DPYD: variants seen among roughly 807,000 people sequenced by gnomAD.
The protein encoded by DPYD is dihydropyrimidine dehydrogenase.
Under a neutral mutation model 116.2 loss-of-function variants are expected in DPYD, and 109 were observed. The observed-to-expected ratio is 0.94, with a 90% CI of 0.80 to 1.10. The LOEUF (loss-of-function observed/expected upper bound fraction) is 1.10, where lower values mean the gene tolerates loss of function less well. DPYD is among the 50% of genes least tolerant of loss of function. DPYD has a pLI of 0.00. For synonymous variants in DPYD, 440 were observed against 432.0 expected, an observed-to-expected ratio of 1.02 and a Z score of -0.23; for missense variants, 1,302 against 1,254.5, an observed-to-expected ratio of 1.04 and a Z score of -0.57.
intron 14 of DPYD, among the ~76,000 whole-genome samples, chr1:97,427,157 A>G (rs565692953): frequency 6.6e-6 from 1 of 152,260 alleles, no homozygotes; most frequent in South Asian, 2.1e-4. Context: ...AAGGAGGGCT[A>G]TATATCCAAA....
intron 19 of DPYD, among the ~76,000 whole-genome samples, chr1:97,224,648 G>A (rs1660993750): frequency 6.6e-6 from 1 of 151,408 alleles, no homozygotes; most frequent in African/African-American, 2.4e-5. Flanking sequence ...TCCTTGAACT[G>A]CATCTCTTTG....
At chr1:97,665,389 T>C (rs1170328706) in intron 8 of DPYD, among the ~76,000 whole-genome samples, 1 of 152,226 alleles carries the variant, frequency 6.6e-6, no homozygotes, top group Non-Finnish European at 1.5e-5. Context: ...TTTTTCATTA[T>C]CAATCTTTTT....
At chr1:97,671,948 T>TA (rs1040428334) in intron 8 of DPYD, among the ~76,000 whole-genome samples, 6 of 112,642 alleles carry the variant, frequency 5.3e-5, no homozygotes, top group African/African-American at 1.8e-4. Context: ...TATCTATTAT[T>TA]TTTTTTTTTT....
intron 18 of DPYD, among the ~76,000 whole-genome samples, chr1:97,239,258 T>C (rs760478957): frequency 6.6e-6 from 1 of 152,176 alleles, no homozygotes; most frequent in Non-Finnish European, 1.5e-5. Context: ...ATTAAGTTAA[T>C]CAATCTGATT....
chr1:97,788,336 C>T (rs151196452), intron 3 of DPYD, among the ~76,000 whole-genome samples: 1,566 of 152,210 alleles, frequency 0.01, 17 homozygotes, highest in Non-Finnish European at 0.018. Context: ...GAATCCAGAC[C>T]TCTAGGCTGT....
In DPYD at chr1:97,726,179, C is replaced by A. The variant is rs141115396; in HGVS notation, c.322-4508G>T. 2.3e-3 allele frequency among the ~76,000 whole-genome samples: 344 copies of A among 151,614 alleles called. 1 individual carries two copies. Among genetic ancestry groups the A allele is most frequent in the African/African-American group, 7.7e-3 (318 of 41,486 alleles). On this transcript the variant is annotated intron_variant, in intron 4 of 22. Transcript: ENST00000370192. ...AATTGCATCTCTACTTGACACAAAGCTACTAGTTAACATGTACATTCATAG... is the reference window on the plus strand; with the variant it reads ...AATTGCATCTCTACTTGACACAAAGATACTAGTTAACATGTACATTCATAG...
At chr1:97,379,451 G>T (rs566705753) in intron 15 of DPYD, among the ~76,000 whole-genome samples, 83 of 152,288 alleles carry the variant, frequency 5.5e-4, no homozygotes, top group Admixed American at 2.2e-3. Flanking sequence ...GGCCCTACTT[G>T]TCACCCAGGA....
At chr1:97,696,382 A>C (rs1661307452) in intron 6 of DPYD, among the ~76,000 whole-genome samples, 1 of 152,170 alleles carries the variant, frequency 6.6e-6, no homozygotes, top group Non-Finnish European at 1.5e-5. Flanking sequence ...TCTGTTGCTT[A>C]GAATAGAGAA....
intron 18 of DPYD, among the ~76,000 whole-genome samples, chr1:97,303,083 G>A (rs945159682): frequency 3.9e-5 from 6 of 151,966 alleles, no homozygotes; most frequent in South Asian, 2.1e-4. Context: ...CACTATTTCC[G>A]TATTTAAACA....
intron 3 of DPYD, among the ~76,000 whole-genome samples, chr1:97,756,216 C>G (rs1211554151): frequency 6.6e-6 from 1 of 152,198 alleles, no homozygotes; most frequent in South Asian, 2.1e-4. Context: ...TTACGTGCAT[C>G]TATTAGGATT....
chr1:97,379,956 G>A (rs376628815), intron 15 of DPYD, among the ~76,000 whole-genome samples: 1 of 152,160 alleles, frequency 6.6e-6, no homozygotes. Context: ...GGCCAGCTCT[G>A]GAATGCACCA....
intron 15 of DPYD, 41 bp downstream of exon 15, chr1:97,382,352 A>G (rs776952601): frequency 4.6e-5 from 57 of 1,228,624 alleles, no homozygotes; most frequent in Non-Finnish European, 6.4e-5. Context: ...TAAAAATAGG[A>G]GAGAAGAAAT....
At chr1:97,287,273 T>C (rs1342873732) in intron 18 of DPYD, among the ~76,000 whole-genome samples, 11 of 152,150 alleles carry the variant, frequency 7.2e-5, no homozygotes, top group Admixed American at 7.2e-4. Flanking sequence ...TGCTGTCTGA[T>C]CGTTCCTCTG....
At position 97,773,386 on chromosome 1, in the gene DPYD, G is replaced by A. The variant is rs994008683; in HGVS notation, c.234-32907C>T. 1.1e-3 allele frequency among the ~76,000 whole-genome samples: 7 copies of A among 6,094 alleles called. No homozygotes were observed. The East Asian group carries it at 0.081, about 70-fold the overall frequency. 4.0% of individuals were successfully genotyped at this position (6,094 alleles called of 152,430 possible). A position where few individuals can be genotyped will look rare whatever the true frequency, so the allele number is the denominator to read the frequency against. On this transcript the variant is annotated intron_variant, in intron 3 of 22. Transcript: ENST00000370192. ...ATTCATATTTACTAATGATACAGGA[G>A]AAGGGCAGGGAAGTGCTGGCAGAGA...
At chr1:97,842,609 AATT>A (rs1049071228) in intron 2 of DPYD, among the ~76,000 whole-genome samples, 6 of 151,988 alleles carry the variant, frequency 3.9e-5, no homozygotes, top group Non-Finnish European at 7.4e-5. Flanking sequence ...TGATTTCATT[AATT>A]ATTATAACTA....
chr1:97,501,673 G>C (rs1679593328), intron 13 of DPYD, among the ~76,000 whole-genome samples: 1 of 151,966 alleles, frequency 6.6e-6, no homozygotes, highest in Admixed American at 6.6e-5. Flanking sequence ...ACTCCAGCCT[G>C]GATGACAGTA....
chr1:97,635,494 A>C (rs571541136), intron 8 of DPYD, among the ~76,000 whole-genome samples: 293 of 152,294 alleles, frequency 1.9e-3, no homozygotes, highest in African/African-American at 5.4e-3. Context: ...CCCACAGTTT[A>C]AGACCACCAG....
intron 10 of DPYD, among the ~76,000 whole-genome samples, chr1:97,589,962 G>A (rs1469854303): frequency 6.6e-6 from 1 of 152,150 alleles, no homozygotes; most frequent in Admixed American, 6.5e-5. Context: ...CAAGAAATTA[G>A]GGCCAATATT....
At chr1:97,500,841 T>C (rs1679536719) in intron 13 of DPYD, among the ~76,000 whole-genome samples, 1 of 152,100 alleles carries the variant, frequency 6.6e-6, no homozygotes, top group Admixed American at 6.6e-5. Flanking sequence ...CAGGGAGTTT[T>C]CCAGTCATGT....
Sources: gnomAD v4.1 joint callset for allele counts (sites outside exome capture counted in the v4.1 genomes callset) on GRCh38, gnomAD v4.1.1 for gene constraint, MANE v1.5 for transcripts, NCBI Gene and HGNC (gene_info 2026-07-23, HGNC 2026-07-21) for gene names.